ANKRD11: variants seen among roughly 807,000 people sequenced by gnomAD.
ANKRD11 encodes the protein ankyrin repeat domain 11.
In ANKRD11, 17 loss-of-function variants were observed where a neutral mutation model predicts 195.7. The observed-to-expected ratio is 0.09, with a 90% confidence interval of 0.06 to 0.13. The LOEUF (loss-of-function observed/expected upper bound fraction) is 0.13. Among genes scored for constraint, ANKRD11 ranks in the 10% least tolerant of loss-of-function variants. The pLI, the probability that ANKRD11 is intolerant of heterozygous loss-of-function variation, is 1.00. For synonymous variants in ANKRD11, 1,953 were observed against 1,528.1 expected (o/e 1.28, Z -6.49); for missense variants, 3,735 against 3,566.1 (o/e 1.05, Z -1.21).
intron 2 of ANKRD11, among the ~76,000 whole-genome samples, chr16:89,344,175 C>T (rs1286540108): frequency 6.6e-6 from 1 of 152,190 alleles, no homozygotes; most frequent in African/African-American, 2.4e-5. Context: ...AACCCTGGCT[C>T]AGGACAGATT....
At chr16:89,373,521 T>C (rs2040285894) in intron 2 of ANKRD11, 1 of 152,178 alleles carries the variant, frequency 6.6e-6, no homozygotes, top group African/African-American at 2.4e-5. Context: ...TTCTGCTGAG[T>C]GGACGGCTGC....
intron 1 of ANKRD11, among the ~76,000 whole-genome samples, chr16:89,439,280 A>G (rs1232958014): frequency 1.3e-5 from 2 of 152,208 alleles, no homozygotes; most frequent in African/African-American, 4.8e-5. Context: ...TCCTAAGCAC[A>G]AATATATAGG....
At chr16:89,275,238 T>A (rs1362426625) in intron 9 of ANKRD11, 47 bp from the exon 10 acceptor site, 2 of 1,511,738 alleles carry the variant, frequency 1.3e-6, no homozygotes, top group Admixed American at 1.9e-5. Context: ...GCTGTGGAAC[T>A]GCACGAAGGA....
chr16:89,464,239 A>G (rs574012837), intron 1 of ANKRD11, among the ~76,000 whole-genome samples: 207 of 151,650 alleles, frequency 1.4e-3, no homozygotes, highest in African/African-American at 4.9e-3. Context: ...ACTCCATCTC[A>G]AAAGAAAAAA....
At chr16:89,374,552 T>A (rs1009546259) in intron 2 of ANKRD11, among the ~76,000 whole-genome samples, 1 of 152,206 alleles carries the variant, frequency 6.6e-6, no homozygotes, top group African/African-American at 2.4e-5. Flanking sequence ...GCTGTGTGTG[T>A]GAGCTACACT....
chr16:89,270,944 C>A (rs370801020), intron 11 of ANKRD11, 35 bp from the exon 12 acceptor site: 1 of 1,604,614 alleles, frequency 6.2e-7, no homozygotes. Flanking sequence ...TCATCAGGAG[C>A]CCCAGAGACC....
intron 4 of ANKRD11, among the ~76,000 whole-genome samples, chr16:89,298,473 C>T (rs938472735): frequency 2.6e-5 from 4 of 152,230 alleles, no homozygotes; most frequent in Non-Finnish European, 4.4e-5. Context: ...CTGAGAGGCA[C>T]AGACAGGCTG....
At chr16:89,439,074 T>C (rs2043337618) in intron 1 of ANKRD11, among the ~76,000 whole-genome samples, 1 of 151,982 alleles carries the variant, frequency 6.6e-6, no homozygotes, top group African/African-American at 2.4e-5. Context: ...AAGAACTGTA[T>C]TCTTCCATTC....
Position 89,288,049 on chromosome 16 carries a change from C to A in ANKRD11, c.744+479G>T, listed in dbSNP as rs141483915. 1,472 of 548,346 alleles carry A rather than the reference C, an allele frequency of 2.7e-3. 11 individuals are homozygous for A. Among genetic ancestry groups the A allele is most frequent in the South Asian group, 0.012 (447 of 36,464 alleles). The allele number at this position is 548,346 out of a possible 1,614,324, so 34.0% of individuals were successfully genotyped here. ...TCTCGACCCCCACAGAGGCTGAGAC[C>A]TCTCAGTGCCCACTGCTCCTGGGCC... On this transcript the variant is annotated intron_variant, in intron 7 of 12. Transcript: ENST00000301030.
intron 1 of ANKRD11, among the ~76,000 whole-genome samples, chr16:89,463,854 T>G (rs530555534): frequency 6.6e-5 from 10 of 152,284 alleles, no homozygotes; most frequent in Non-Finnish European, 1.5e-4. Context: ...ATGCAAAAAA[T>G]TAACTTCTTC....
chr16:89,434,815 G>GGCGAGGAC (rs2043144159), intron 1 of ANKRD11, among the ~76,000 whole-genome samples: 1 of 152,212 alleles, frequency 6.6e-6, no homozygotes, highest in African/African-American at 2.4e-5. Flanking sequence ...ATGGAGACGC[G>GGCGAGGAC]GCGAGGACAC....
chr16:89,358,599 C>G (rs973935419), intron 2 of ANKRD11, among the ~76,000 whole-genome samples: 48 of 152,186 alleles, frequency 3.2e-4, no homozygotes, highest in African/African-American at 1.1e-3. Flanking sequence ...CTCACAAAAA[C>G]TTTAAAAATA....
chr16:89,313,670 T>C, intron 3 of ANKRD11: 2 of 1,186,746 alleles, frequency 1.7e-6, no homozygotes, highest in South Asian at 1.3e-5. Context: ...GCAGAAACCA[T>C]TTCAGCCTGT....
chr16:89,479,572 T>C (rs1224577771), intron 1 of ANKRD11, among the ~76,000 whole-genome samples: 1 of 151,448 alleles, frequency 6.6e-6, no homozygotes, highest in African/African-American at 2.4e-5. Context: ...GAGGCGGAGG[T>C]TGCAGTGAGC....
At chr16:89,461,240 G>C (rs1165542953) in intron 1 of ANKRD11, among the ~76,000 whole-genome samples, 1 of 142,996 alleles carries the variant, frequency 7.0e-6, no homozygotes, top group Non-Finnish European at 1.5e-5. Context: ...AGAGAAAGCA[G>C]ATTGGTGGTC....
At chr16:89,327,049 G>A (rs1019919227) in intron 2 of ANKRD11, among the ~76,000 whole-genome samples, 4 of 151,720 alleles carry the variant, frequency 2.6e-5, no homozygotes, top group African/African-American at 7.3e-5. Flanking sequence ...GAATGCAGAG[G>A]TGGGAAATGC....
chr16:89,383,101 G>A (rs2040734462), intron 2 of ANKRD11, among the ~76,000 whole-genome samples: 1 of 152,198 alleles, frequency 6.6e-6, no homozygotes, highest in Non-Finnish European at 1.5e-5. Flanking sequence ...TGTAATATAG[G>A]TTTTAAAAGC....
At chr16:89,337,426 A>ATTTTTTTTTT (rs763560924) in intron 2 of ANKRD11, among the ~76,000 whole-genome samples, 22 of 43,766 alleles carry the variant, frequency 5.0e-4, no homozygotes, top group South Asian at 1.1e-3. Context: ...GGTCTAAGCA[A>ATTTTTTTTTT]TTCTTTTTTT....
At chr16:89,442,483 G>A (rs1325325595) in intron 1 of ANKRD11, among the ~76,000 whole-genome samples, 1 of 152,046 alleles carries the variant, frequency 6.6e-6, no homozygotes, top group Non-Finnish European at 1.5e-5. Flanking sequence ...GCCCCTTTAT[G>A]CACAGCTTCC....
Sources: gnomAD v4.1 joint callset for allele counts (sites outside exome capture counted in the v4.1 genomes callset) on GRCh38, gnomAD v4.1.1 for gene constraint, MANE v1.5 for transcripts, NCBI Gene and HGNC (gene_info 2026-07-23, HGNC 2026-07-21) for gene names.